The following UTP6 variants were observed in gnomAD, a reference collection of about 807,000 sequenced individuals.
The protein encoded by UTP6 is U3 small nucleolar RNA-associated protein 6 homolog.
UTP6 carries 60 observed loss-of-function variants against 96.5 expected under a neutral mutation model. The observed-to-expected ratio is 0.62, with a 90% CI of 0.51 to 0.77. The LOEUF (loss-of-function observed/expected upper bound fraction) is 0.77, where lower values mean the gene tolerates loss of function less well. Ranked by LOEUF, UTP6 falls within the 30% of genes least tolerant of loss-of-function variation. UTP6 has a pLI of 0.00. For synonymous variants in UTP6, 215 were observed against 240.1 expected (o/e 0.90, Z 0.96); for missense variants, 637 against 706.5 (o/e 0.90, Z 1.12).
intron 11 of UTP6, among the ~76,000 whole-genome samples, chr17:31,879,296 A>G (rs1286142386): frequency 6.6e-6 from 1 of 152,116 alleles, no homozygotes; most frequent in Non-Finnish European, 1.5e-5. Flanking sequence ...AGGCTGAGGC[A>G]GGAGAATTGC....
rs61684764 is a variant in UTP6, at chr17:31,866,717, T to TA, written c.1564-1280dup. 27 of 109,214 alleles carry TA rather than the reference T, an allele frequency of 2.5e-4. 3 individuals are homozygous for TA. The highest frequency in any genetic ancestry group is 7.6e-4 in the East Asian group (3 of 3,926). 6.8% of individuals were successfully genotyped at this position (109,214 alleles called of 1,614,324 possible). A position where few individuals can be genotyped will look rare whatever the true frequency, so the allele number is the denominator to read the frequency against. On this transcript the variant is annotated intron_variant, in intron 17 of 18. Coordinates refer to ENST00000261708, the MANE Select transcript of UTP6 (RefSeq NM_018428.3). ...CTGGGCGACAGAGAGAGACTCCGTC[T>TA]AAAAAAAAAAAAAAAAAATTAGCCA...
chr17:31,884,104 G>A (rs1911002607), intron 10 of UTP6, among the ~76,000 whole-genome samples: 1 of 150,622 alleles, frequency 6.6e-6, no homozygotes. Flanking sequence ...GTTCAAGCGA[G>A]TCTCCTGGCT....
intron 17 of UTP6, among the ~76,000 whole-genome samples, chr17:31,866,887 CAAAAAA>C (rs56235737): frequency 1.8e-3 from 79 of 43,566 alleles, no homozygotes; most frequent in Middle Eastern, 0.036. Context: ...ACTCTTGTCT[CAAAAAA>C]AAAAAAAAAA....
intron 16 of UTP6, among the ~76,000 whole-genome samples, chr17:31,872,729 A>C (rs1910251017): frequency 6.6e-6 from 1 of 152,010 alleles, no homozygotes; most frequent in Non-Finnish European, 1.5e-5. Flanking sequence ...GGCCAAATGC[A>C]CTGGCTCATG....
chr17:31,893,753 AAAG>A (rs1904469703), intron 4 of UTP6, among the ~76,000 whole-genome samples: 2 of 151,170 alleles, frequency 1.3e-5, no homozygotes, highest in African/African-American at 4.8e-5. Context: ...AAAAAAAAAA[AAAG>A]AAGCAGATTT....
chr17:31,880,528 G>A (rs768270364), intron 11 of UTP6, 45 bp downstream of exon 11: 2 of 1,611,766 alleles, frequency 1.2e-6, no homozygotes, highest in South Asian at 1.1e-5. Flanking sequence ...TCACAATCAG[G>A]GATACTATTC....
rs537201613 is a variant in UTP6 at position 31,884,854 on chromosome 17, G to A, written c.704-349C>T. 8.1e-5 allele frequency: 15 copies of A among 185,018 alleles called. No homozygotes were observed. In the South Asian group the frequency reaches 1.0e-3, roughly 13 times the overall value. The allele number at this position is 185,018 out of a possible 1,614,324, so 11.5% of individuals were successfully genotyped here. A position where few individuals can be genotyped will look rare whatever the true frequency, so the allele number is the denominator to read the frequency against. ...GGATCACTTGAGCTCAGGAGTTCAA[G>A]ACTAGCCCGGACAACATGGTGAAAC... On this transcript the variant is annotated intron_variant, in intron 9 of 18. Coordinates refer to ENST00000261708, the MANE Select transcript of UTP6 (RefSeq NM_018428.3).
chr17:31,867,943 G>A (rs150048499), intron 17 of UTP6, 103 bp downstream of exon 17: 49 of 1,119,586 alleles, frequency 4.4e-5, no homozygotes, highest in Admixed American at 2.3e-4. Context: ...GCAACAGAGC[G>A]AGACTCTGCC....
In UTP6 at chr17:31,868,034, C is replaced by T; in HGVS notation, c.1563+12G>A. Reference sequence around the variant, plus strand: ...TTTTCCCAGACAAGAAATGCTGAAACAGAACACTTACTTGCTCCTTTTCAA... The same window carrying T: ...TTTTCCCAGACAAGAAATGCTGAAATAGAACACTTACTTGCTCCTTTTCAA... On this transcript the variant is annotated intron_variant, in intron 17 of 18. Coordinates refer to ENST00000261708, the MANE Select transcript of UTP6 (RefSeq NM_018428.3). 1.2e-6 allele frequency: 2 copies of T among 1,611,498 alleles called. No homozygotes were observed. The highest frequency in any genetic ancestry group is 1.7e-5 in the Admixed American group (1 of 59,698).
chr17:31,868,106 C>A lies in UTP6; in HGVS notation c.1503G>T (p.Gln501His). The part of the protein sequence containing the change: ...KKARAVFKSL[Q>H]ESRPFSVDFF... ...AGTCAACTGAAAATGGTCGGCTCTC[C>A]TGTAAACTAAAAAGGAAGGAGAAAA... The change falls in exon 17 of 19, where the codon CAG becomes CAT. Residue 501 changes from glutamine to histidine, a missense_variant. Gln to His is a conservative substitution (Grantham distance 24). Coordinates refer to ENST00000261708, the MANE Select transcript of UTP6 (RefSeq NM_018428.3). 6.2e-7 allele frequency: 1 copy of A among 1,612,676 alleles called. No homozygotes were observed. The highest frequency in any genetic ancestry group is 1.1e-5 in the South Asian group (1 of 90,962).
At chr17:31,878,199 C>G (rs1186168003) in intron 13 of UTP6, 51 bp downstream of exon 13, 1 of 1,579,474 alleles carries the variant, frequency 6.3e-7, no homozygotes, top group Non-Finnish European at 8.7e-7. Context: ...CACAAAACAA[C>G]TGGAATAAGG....
intron 9 of UTP6, 106 bp downstream of exon 9, chr17:31,885,874 A>G: frequency 1.1e-6 from 1 of 904,068 alleles, no homozygotes. Context: ...ATTCCTACAG[A>G]GTTTTATACA....
At position 31,901,696 on chromosome 17, in the gene UTP6, C is replaced by T; in HGVS notation, c.-69G>A. The T allele has an allele frequency of 6.6e-7, 1 of 1,516,128 alleles. No individual in the cohort carries two copies. Among genetic ancestry groups the T allele is most frequent in the East Asian group, 2.3e-5 (1 of 44,384 alleles). 93.9% of individuals were successfully genotyped at this position (1,516,128 alleles called of 1,614,324 possible). A position where few individuals can be genotyped will look rare whatever the true frequency, so the allele number is the denominator to read the frequency against. ...AACACGAGCAGGAAGCTCCCGGTTT[C>T]AGGTTCGGAGACCCAGCCCTACCAC... On this transcript the variant is annotated 5_prime_UTR_variant, in exon 1 of 19. Coordinates refer to ENST00000261708, the MANE Select transcript of UTP6 (RefSeq NM_018428.3).
Position 31,895,073 on chromosome 17 carries a change from G to A in UTP6, c.178-62C>T, listed in dbSNP as rs150043670. Reference sequence around the variant, plus strand: ...GAAAATCTAAAACCTTTTAAATACTGGAAATTTAGTTAAAGTCATAAAACA... The same window carrying A: ...GAAAATCTAAAACCTTTTAAATACTAGAAATTTAGTTAAAGTCATAAAACA... On this transcript the variant is annotated intron_variant, in intron 2 of 18. Coordinates refer to ENST00000261708, the MANE Select transcript of UTP6 (RefSeq NM_018428.3). 4.3e-5 allele frequency: 55 copies of A among 1,266,680 alleles called. No homozygotes were observed. The African/African-American group carries it at 6.7e-4, about 15-fold the overall frequency. 78.5% of individuals were successfully genotyped at this position (1,266,680 alleles called of 1,614,324 possible). A position where few individuals can be genotyped will look rare whatever the true frequency, so the allele number is the denominator to read the frequency against.
At chr17:31,873,828 AAAT>A in intron 14 of UTP6, 75 bp from the exon 15 acceptor site, 2 of 1,465,460 alleles carry the variant, frequency 1.4e-6, no homozygotes, top group Non-Finnish European at 1.8e-6. Context: ...TAAATATGTA[AAAT>A]ATTATGTATC....
At chr17:31,870,530 T>G (rs1379208552) in intron 16 of UTP6, among the ~76,000 whole-genome samples, 3 of 150,082 alleles carry the variant, frequency 2.0e-5, no homozygotes, top group Non-Finnish European at 4.4e-5. Flanking sequence ...TTTTTTTGGT[T>G]TTTTTTTTTG....
intron 13 of UTP6, 32 bp from the exon 14 acceptor site, chr17:31,875,445 A>G (rs1485074481): frequency 6.2e-7 from 1 of 1,601,232 alleles, no homozygotes; most frequent in Non-Finnish European, 8.5e-7. Flanking sequence ...TGGAAAATTA[A>G]TTACTGAAAC....
At position 31,878,182 on chromosome 17, in the gene UTP6, ACT is replaced by A. The variant is rs960721659; in HGVS notation, c.1125+66_1125+67del. On this transcript the variant is annotated intron_variant, in intron 13 of 18. Coordinates refer to ENST00000261708, the MANE Select transcript of UTP6 (RefSeq NM_018428.3). ...TAAGACTATATATATTTAAAACATG[ACT>A]CTGGCACAAAACAACTGGAATAAGG... 1.2e-5 allele frequency: 18 copies of A among 1,509,524 alleles called. No individual in the cohort carries two copies. In the African/African-American group the frequency reaches 2.5e-4, roughly 21 times the overall value. 93.5% of individuals were successfully genotyped at this position (1,509,524 alleles called of 1,614,324 possible). A position where few individuals can be genotyped will look rare whatever the true frequency, so the allele number is the denominator to read the frequency against.
At chr17:31,868,956 T>C (rs998223265) in intron 16 of UTP6, among the ~76,000 whole-genome samples, 7 of 151,824 alleles carry the variant, frequency 4.6e-5, no homozygotes, top group Non-Finnish European at 1.0e-4. Flanking sequence ...ACTAAAAATA[T>C]AAAAATTGGC....
Sources: gnomAD v4.1 joint callset for allele counts (sites outside exome capture counted in the v4.1 genomes callset) on GRCh38, gnomAD v4.1.1 for gene constraint, MANE v1.5 for transcripts, NCBI Gene and HGNC (gene_info 2026-07-23, HGNC 2026-07-21) for gene names.